STRN3: variants seen among roughly 807,000 people sequenced by gnomAD.
The protein encoded by STRN3 is striatin 3, also known as striatin-3.
STRN3 carries 29 observed loss-of-function variants against 95.6 expected under a neutral mutation model. The observed-to-expected ratio is 0.30, with a 90% confidence interval of 0.23 to 0.41. The LOEUF is 0.41. Among genes scored for constraint, STRN3 ranks in the 10% least tolerant of loss-of-function variants. The pLI is 1.00. For synonymous variants in STRN3, 331 were observed against 357.6 expected, an observed-to-expected ratio of 0.93 and a Z score of 0.84; for missense variants, 890 against 972.1, an observed-to-expected ratio of 0.92 and a Z score of 1.12.
chr14:30,904,811 C>T (rs974314494), intron 15 of STRN3, among the ~76,000 whole-genome samples: 1 of 151,762 alleles, frequency 6.6e-6, no homozygotes, highest in Non-Finnish European at 1.5e-5. Context: ...AAACAGTGAA[C>T]CTGAATTTGA....
chr14:30,944,195 G>C (rs774015895), intron 5 of STRN3, among the ~76,000 whole-genome samples: 3 of 151,956 alleles, frequency 2.0e-5, no homozygotes, highest in Non-Finnish European at 4.4e-5. Context: ...AGTCAGACGT[G>C]GTATGGCAAA....
intron 7 of STRN3, among the ~76,000 whole-genome samples, chr14:30,934,727 A>G (rs898724082): frequency 6.6e-6 from 1 of 152,162 alleles, no homozygotes; most frequent in Admixed American, 6.5e-5. Context: ...TCTAATTACT[A>G]ATTTCTAATT....
intron 3 of STRN3, among the ~76,000 whole-genome samples, chr14:30,954,271 T>C (rs191989939): frequency 6.6e-6 from 1 of 152,330 alleles, no homozygotes; most frequent in East Asian, 1.9e-4. Context: ...AGGGAACTCT[T>C]TTATATTTTA....
intron 15 of STRN3, among the ~76,000 whole-genome samples, chr14:30,905,013 AGAGAGACCT>A (rs953433837): frequency 3.3e-5 from 5 of 151,928 alleles, no homozygotes; most frequent in African/African-American, 1.2e-4. Context: ...CTATGGATGA[AGAGAGACCT>A]GAGAGACCTA....
intron 1 of STRN3, among the ~76,000 whole-genome samples, chr14:30,982,098 CAAAAAAAAA>C (rs11451891): frequency 6.6e-5 from 5 of 75,556 alleles, no homozygotes; most frequent in South Asian, 1.2e-3. Context: ...CTCTGTCTCA[CAAAAAAAAA>C]AAAAAAAAAA....
intron 13 of STRN3, among the ~76,000 whole-genome samples, chr14:30,910,397 T>A (rs1302950029): frequency 6.6e-6 from 1 of 152,236 alleles, no homozygotes; most frequent in Non-Finnish European, 1.5e-5. Flanking sequence ...GCCTAGCTAA[T>A]GTAGGCACAA....
At chr14:30,912,378 T>C (rs1035769846) in intron 10 of STRN3, 196 bp from the exon 11 acceptor site, 19 of 446,132 alleles carry the variant, frequency 4.3e-5, no homozygotes, top group Non-Finnish European at 6.1e-5. Flanking sequence ...AATAATTTCA[T>C]TCGCCTTACA....
intron 16 of STRN3, among the ~76,000 whole-genome samples, chr14:30,900,077 G>C (rs566397262): frequency 1.3e-5 from 2 of 152,154 alleles, no homozygotes; most frequent in South Asian, 4.1e-4. Flanking sequence ...CCATATCCAG[G>C]CCGGGCGCAG....
chr14:30,996,204 G>A (rs1334038129), intron 1 of STRN3, among the ~76,000 whole-genome samples: 2 of 152,164 alleles, frequency 1.3e-5, no homozygotes, highest in Non-Finnish European at 1.5e-5. Context: ...CAGGAATAAT[G>A]TAAGAAAACA....
rs1325425256 is a variant in STRN3, at chr14:30,913,513, A to T, written c.1374+11T>A. On this transcript the variant is annotated intron_variant, in intron 10 of 17. Transcript: ENST00000357479. Reference sequence around the variant, plus strand: ...AAATCATTAAAAAATTAAAAATAAAACTGCACTTACATCATAACTATAGTC... The same window carrying T: ...AAATCATTAAAAAATTAAAAATAAATCTGCACTTACATCATAACTATAGTC... The T allele has an allele frequency of 1.3e-6, 2 of 1,574,138 alleles. No homozygotes were observed. Among genetic ancestry groups the T allele is most frequent in the Non-Finnish European group, 1.7e-6 (2 of 1,164,372 alleles).
intron 1 of STRN3, among the ~76,000 whole-genome samples, chr14:30,989,673 T>C (rs2139254838): frequency 6.6e-6 from 1 of 152,228 alleles, no homozygotes; most frequent in Non-Finnish European, 1.5e-5. Context: ...TTAGCCAGGA[T>C]GGTCTCTATC....
intron 1 of STRN3, among the ~76,000 whole-genome samples, chr14:30,965,674 C>G (rs1339321355): frequency 6.7e-6 from 1 of 148,186 alleles, no homozygotes; most frequent in African/African-American, 2.5e-5. Context: ...ATTAGCCAGG[C>G]ATAGTGGCAG....
At chr14:30,932,866 T>C (rs1018523604) in intron 7 of STRN3, among the ~76,000 whole-genome samples, 5 of 152,194 alleles carry the variant, frequency 3.3e-5, no homozygotes, top group African/African-American at 9.6e-5. Context: ...TAAAAAGATA[T>C]TTGATAAGTT....
At chr14:30,973,018 C>T (rs1884057) in intron 1 of STRN3, among the ~76,000 whole-genome samples, 1 of 152,014 alleles carries the variant, frequency 6.6e-6, no homozygotes, top group Non-Finnish European at 1.5e-5. Flanking sequence ...AGATCAGCCT[C>T]GCCAACATGG....
intron 1 of STRN3, among the ~76,000 whole-genome samples, chr14:31,024,194 A>G (rs1883660303): frequency 6.6e-6 from 1 of 152,200 alleles, no homozygotes; most frequent in Admixed American, 6.5e-5. Context: ...TGCTAACTTG[A>G]AGAGTGTTGA....
chr14:30,958,283 C>A (rs1880019818), intron 1 of STRN3, among the ~76,000 whole-genome samples: 1 of 152,094 alleles, frequency 6.6e-6, no homozygotes, highest in African/African-American at 2.4e-5. Flanking sequence ...TGCCCTCCAG[C>A]CTGGGCGACA....
Position 31,026,247 on chromosome 14 carries a change from G to T in STRN3, c.-62C>A. 3 of 1,362,418 alleles carry T rather than the reference G, an allele frequency of 2.2e-6. No homozygotes were observed. The South Asian group carries it at 5.2e-5, about 24-fold the overall frequency. The allele number at this position is 1,362,418 out of a possible 1,614,324, so 84.4% of individuals were successfully genotyped here. ...GCCGACAGCTGGGGGAAGGGCCGGAGAGGGTGGCCCCGCGCTGGCTGCGGG... is the reference window on the plus strand; with the variant it reads ...GCCGACAGCTGGGGGAAGGGCCGGATAGGGTGGCCCCGCGCTGGCTGCGGG... On this transcript the variant is annotated 5_prime_UTR_variant, in exon 1 of 18. Transcript: ENST00000357479.
At chr14:30,980,327 G>C (rs766718339) in intron 1 of STRN3, among the ~76,000 whole-genome samples, 2 of 152,142 alleles carry the variant, frequency 1.3e-5, no homozygotes, top group Non-Finnish European at 2.9e-5. Flanking sequence ...GGTCACCAGC[G>C]TAAAACTTTC....
chr14:30,938,869 C>G (rs1310128527), intron 5 of STRN3, among the ~76,000 whole-genome samples: 1 of 152,144 alleles, frequency 6.6e-6, no homozygotes, highest in East Asian at 1.9e-4. Flanking sequence ...AGATGCTCAA[C>G]ATCATTAGTC....
Sources: gnomAD v4.1 joint callset for allele counts (sites outside exome capture counted in the v4.1 genomes callset) on GRCh38, gnomAD v4.1.1 for gene constraint, MANE v1.5 for transcripts, NCBI Gene and HGNC (gene_info 2026-07-23, HGNC 2026-07-21) for gene names.